The following FUBP3 variants were observed in gnomAD, a reference collection of about 807,000 sequenced individuals.
FUBP3 encodes far upstream element-binding protein 3.
In FUBP3, 28 loss-of-function variants were observed where a neutral mutation model predicts 85.6. That is an observed-to-expected ratio of 0.33 (90% CI 0.24 to 0.45). FUBP3 has a LOEUF of 0.45. FUBP3 is among the 20% of genes least tolerant of loss of function. The probability of loss-of-function intolerance (pLI) is 1.00; values close to 1 mark genes in which losing one functional copy is unlikely to be tolerated. For missense variants in FUBP3, 583 were observed against 755.1 expected, an observed-to-expected ratio of 0.77 and a Z score of 2.67; for synonymous variants, 271 against 271.4, an observed-to-expected ratio of 1.00 and a Z score of 0.01.
chr9:130,590,644 G>A (rs1014269217), intron 1 of FUBP3, among the ~76,000 whole-genome samples: 2 of 152,142 alleles, frequency 1.3e-5, no homozygotes, highest in Non-Finnish European at 2.9e-5. Context: ...ACTGAGGACT[G>A]TACCTCACTT....
intron 7 of FUBP3, among the ~76,000 whole-genome samples, chr9:130,617,277 G>T (rs141516674): frequency 6.6e-6 from 1 of 152,224 alleles, no homozygotes; most frequent in Non-Finnish European, 1.5e-5. Flanking sequence ...TGCGAGTAAA[G>T]GATTGTGGCT....
intron 1 of FUBP3, among the ~76,000 whole-genome samples, chr9:130,591,773 A>G (rs1830637055): frequency 6.6e-6 from 1 of 152,232 alleles, no homozygotes; most frequent in Non-Finnish European, 1.5e-5. Context: ...TGAAAGGCTC[A>G]GTCACATTTT....
chr9:130,585,097 T>G (rs1199874663), intron 1 of FUBP3, among the ~76,000 whole-genome samples: 2 of 152,074 alleles, frequency 1.3e-5, no homozygotes, highest in East Asian at 1.9e-4. Context: ...GAGACAGAGG[T>G]TGCAGTGAGT....
At chr9:130,622,916 C>T in intron 10 of FUBP3, 106 bp downstream of exon 10, 2 of 513,164 alleles carry the variant, frequency 3.9e-6, no homozygotes, top group Non-Finnish European at 6.9e-6. Context: ...GCTATTGGTT[C>T]ATGTGTATTC....
chr9:130,611,173 G>T (rs1235354267), intron 3 of FUBP3, among the ~76,000 whole-genome samples: 1 of 152,138 alleles, frequency 6.6e-6, no homozygotes, highest in Non-Finnish European at 1.5e-5. Flanking sequence ...CAATTCCCAG[G>T]TAATATTTTC....
At chr9:130,603,607 T>G (rs116954739) in intron 2 of FUBP3, among the ~76,000 whole-genome samples, 5,885 of 152,190 alleles carry the variant, frequency 0.039, 132 homozygotes, top group Non-Finnish European at 0.053. Flanking sequence ...ATGTGACTGG[T>G]TGGTGGACAG....
At chr9:130,589,028 A>G (rs918774930) in intron 1 of FUBP3, among the ~76,000 whole-genome samples, 2 of 152,228 alleles carry the variant, frequency 1.3e-5, no homozygotes, top group South Asian at 4.1e-4. Context: ...ATCCATGCCA[A>G]TCAACAGGAT....
intron 2 of FUBP3, among the ~76,000 whole-genome samples, chr9:130,604,469 A>G (rs1299861128): frequency 6.6e-6 from 1 of 152,232 alleles, no homozygotes; most frequent in Non-Finnish European, 1.5e-5. Flanking sequence ...CAGCTTTGCT[A>G]GTCATTAGCT....
At chr9:130,606,607 G>A (rs905546688) in intron 2 of FUBP3, among the ~76,000 whole-genome samples, 2 of 152,140 alleles carry the variant, frequency 1.3e-5, no homozygotes, top group African/African-American at 2.4e-5. Flanking sequence ...GATCACCTGA[G>A]GTCGGGAGTT....
intron 11 of FUBP3, among the ~76,000 whole-genome samples, chr9:130,625,598 T>C (rs957674716): frequency 2.0e-5 from 3 of 152,210 alleles, no homozygotes; most frequent in African/African-American, 7.2e-5. Flanking sequence ...CCAAAATGAC[T>C]CCGCGGACAG....
intron 6 of FUBP3, among the ~76,000 whole-genome samples, chr9:130,615,926 C>T (rs960344390): frequency 6.6e-6 from 1 of 152,184 alleles, no homozygotes; most frequent in Non-Finnish European, 1.5e-5. Context: ...TCATTGCTGG[C>T]TCTCTCTCCT....
At chr9:130,598,568 A>C (rs184596478) in intron 2 of FUBP3, among the ~76,000 whole-genome samples, 2 of 152,252 alleles carry the variant, frequency 1.3e-5, no homozygotes, top group Non-Finnish European at 2.9e-5. Context: ...TTTGCATTAC[A>C]GCTTTCTGCT....
At chr9:130,627,468 A>C (rs1489366367) in intron 12 of FUBP3, among the ~76,000 whole-genome samples, 2 of 152,068 alleles carry the variant, frequency 1.3e-5, no homozygotes, top group African/African-American at 2.4e-5. Context: ...ACCAGCAGAG[A>C]CCTCCAGAGC....
intron 9 of FUBP3, among the ~76,000 whole-genome samples, chr9:130,620,856 A>G (rs1229329887): frequency 2.0e-5 from 3 of 152,246 alleles, no homozygotes; most frequent in African/African-American, 7.2e-5. Flanking sequence ...GACAACATGG[A>G]TGAACCTTAC....
chr9:130,632,981 G>T (rs374431175), intron 16 of FUBP3, among the ~76,000 whole-genome samples: 1 of 152,222 alleles, frequency 6.6e-6, no homozygotes, highest in Non-Finnish European at 1.5e-5. Context: ...GTTTAGAAAG[G>T]CTTCTTCAGT....
At position 130,635,025 on chromosome 9, in the gene FUBP3, A is replaced by G. The variant is rs1237358781; in HGVS notation, c.1582+287A>G. On this transcript the variant is annotated intron_variant, in intron 17 of 18. Coordinates refer to ENST00000319725, the MANE Select transcript of FUBP3 (RefSeq NM_003934.2). This position sits in a 1 kb window ranked among gnomAD's most constrained non-coding sequence, Gnocchi z 4.3. ...ACTTGAGGTGGGCGTGGCACCTGGA[A>G]GTGTGGGCTCAGCTGGCGTCTGGTC... 1.3e-5 allele frequency among the ~76,000 whole-genome samples: 2 copies of G among 152,022 alleles called. No individual in the cohort carries two copies. The highest frequency in any genetic ancestry group is 3.9e-4 in the East Asian group (2 of 5,166).
In FUBP3 at chr9:130,594,793, T is replaced by A. The variant is rs184732230; in HGVS notation, c.85-690T>A. Reference sequence around the variant, plus strand: ...GCACATGAGGCCTTTCAAATATTCTTGGGGAATTTGTTGCATAAGCGAACC... The same window carrying A: ...GCACATGAGGCCTTTCAAATATTCTAGGGGAATTTGTTGCATAAGCGAACC... On this transcript the variant is annotated intron_variant, in intron 1 of 18. Transcript: ENST00000319725. Among the ~76,000 whole-genome samples, 4 of 151,784 alleles carry A rather than the reference T, an allele frequency of 2.6e-5. No individual in the cohort carries two copies. In the East Asian group the frequency reaches 7.8e-4, roughly 30 times the overall value.
chr9:130,618,994 C>T (rs1832158495), intron 8 of FUBP3, among the ~76,000 whole-genome samples: 1 of 152,234 alleles, frequency 6.6e-6, no homozygotes. Context: ...CCAGCCTTCT[C>T]TCAGTGCGAA....
rs56197735 is a variant in FUBP3 at position 130,586,053 on chromosome 9, C to T, written c.84+6289C>T. Among the ~76,000 whole-genome samples, 346 of 152,284 alleles carry T rather than the reference C, an allele frequency of 2.3e-3. 1 individual carries two copies. Among genetic ancestry groups the T allele is most frequent in the Admixed American group, 5.2e-3 (79 of 15,294 alleles). ...TTGTTACGTTGTCCAGGCTGGAATG[C>T]AGTGGCACGATCACAGCTCAGTGCA... On this transcript the variant is annotated intron_variant, in intron 1 of 18. Transcript: ENST00000319725.
Sources: gnomAD v4.1 joint callset for allele counts (sites outside exome capture counted in the v4.1 genomes callset) on GRCh38, gnomAD v4.1.1 for gene constraint, Gnocchi (gnomAD v3.1) non-coding constraint, MANE v1.5 for transcripts, NCBI Gene and HGNC (gene_info 2026-07-23, HGNC 2026-07-21) for gene names.